Variants in RSPO1 observed in about 807,000 individuals in gnomAD.
The protein encoded by RSPO1 is R-spondin 1.
A neutral mutation model predicts 26.0 loss-of-function variants in RSPO1; 18 were observed. That is an observed-to-expected ratio of 0.69 (90% confidence interval 0.48 to 1.03). RSPO1 has a LOEUF of 1.03. Among genes scored for constraint, RSPO1 ranks in the 50% least tolerant of loss-of-function variants. The pLI is 0.00. For missense variants in RSPO1, 309 were observed against 352.3 expected, an observed-to-expected ratio of 0.88 and a Z score of 0.98; for synonymous variants, 133 against 137.4, an observed-to-expected ratio of 0.97 and a Z score of 0.22.
At chr1:37,627,510 C>T (rs1644295549) in intron 3 of RSPO1, among the ~76,000 whole-genome samples, 1 of 152,016 alleles carries the variant, frequency 6.6e-6, no homozygotes, top group South Asian at 2.1e-4. Context: ...ATTAGCCAGG[C>T]ATGGTGACAC....
chr1:37,629,553 T>A lies in RSPO1; in HGVS notation c.94+15A>T. ...TCCCAAGGCCAGCTGTGGCCCACCATGCTCCATTACTCACTCCGCCTCTGC... is the reference window on the plus strand; with the variant it reads ...TCCCAAGGCCAGCTGTGGCCCACCAAGCTCCATTACTCACTCCGCCTCTGC... On this transcript the variant is annotated intron_variant, in intron 3 of 6. Transcript: ENST00000356545. 1 of 1,612,714 alleles carries A rather than the reference T, an allele frequency of 6.2e-7. No homozygotes were observed. The highest frequency in any genetic ancestry group is 8.5e-7 in the Non-Finnish European group (1 of 1,178,728).
At chr1:37,632,695 C>A (rs565768846) in intron 1 of RSPO1, among the ~76,000 whole-genome samples, 2 of 152,206 alleles carry the variant, frequency 1.3e-5, no homozygotes, top group African/African-American at 4.8e-5. Context: ...CTGGACAGGT[C>A]TCGGACTAGG....
Position 37,612,333 on chromosome 1 carries a change from C to A in RSPO1, c.*422G>T. ...AGCAGTCCTCAAGCTTGGCTCCCAT[C>A]TGCCACAGTGGCTGGTCCGATCCCA... On this transcript the variant is annotated 3_prime_UTR_variant, in exon 7 of 7. Transcript: ENST00000356545. The A allele has an allele frequency of 4.4e-6, 1 of 226,706 alleles. No homozygotes were observed. Among genetic ancestry groups the A allele is most frequent in the Non-Finnish European group, 8.9e-6 (1 of 112,356 alleles). The allele number at this position is 226,706 out of a possible 1,614,324, so 14.0% of individuals were successfully genotyped here. A position where few individuals can be genotyped will look rare whatever the true frequency, so the allele number is the denominator to read the frequency against.
At chr1:37,628,998 C>T (rs542179277) in intron 3 of RSPO1, among the ~76,000 whole-genome samples, 127 of 152,326 alleles carry the variant, frequency 8.3e-4, no homozygotes, top group African/African-American at 2.9e-3. Flanking sequence ...GTCTCCCCTT[C>T]GATGCCACTG....
chr1:37,624,979 C>T (rs1486007272), intron 3 of RSPO1, among the ~76,000 whole-genome samples: 1 of 152,210 alleles, frequency 6.6e-6, no homozygotes, highest in Non-Finnish European at 1.5e-5. Context: ...CTGCCCAGAA[C>T]ACTCTCCACC....
rs7522257 is a variant in RSPO1 at position 37,615,328 on chromosome 1, A to G, written c.287-995T>C. On this transcript the variant is annotated intron_variant, in intron 4 of 6. Transcript: ENST00000356545. ...AAATAAGAACAAAAATAAGAACAAT[A>G]GCAGCTACCATTCATTGAGTGCCAG... Among the ~76,000 whole-genome samples the G allele has an allele frequency of 4.9e-3, 751 of 152,276 alleles. 8 individuals are homozygous for G. Among genetic ancestry groups the G allele is most frequent in the African/African-American group, 0.017 (723 of 41,556 alleles).
At chr1:37,623,914 C>G (rs1644240227) in intron 3 of RSPO1, among the ~76,000 whole-genome samples, 1 of 151,826 alleles carries the variant, frequency 6.6e-6, no homozygotes, top group Non-Finnish European at 1.5e-5. Context: ...CATGCACCAC[C>G]ACACCCAGCT....
intron 3 of RSPO1, among the ~76,000 whole-genome samples, chr1:37,619,828 A>G (rs1644173215): frequency 6.6e-6 from 1 of 151,762 alleles, no homozygotes; most frequent in Admixed American, 6.6e-5. Flanking sequence ...GCTCACTGCA[A>G]TCTCCGCCTC....
intron 3 of RSPO1, among the ~76,000 whole-genome samples, chr1:37,617,518 G>A (rs186749447): frequency 6.6e-6 from 1 of 152,076 alleles, no homozygotes; most frequent in East Asian, 1.9e-4. Context: ...AATTAGCCAG[G>A]CATGGTGGTG....
At chr1:37,619,579 A>T (rs4653307) in intron 3 of RSPO1, among the ~76,000 whole-genome samples, 14 of 152,282 alleles carry the variant, frequency 9.2e-5, no homozygotes, top group Non-Finnish European at 1.9e-4. Flanking sequence ...CAAACACCAA[A>T]CCATCACAAT....
chr1:37,612,513 T>TAC lies in RSPO1; in HGVS notation c.*241_*242insGT. 1.7e-6 allele frequency: 1 copy of TAC among 586,864 alleles called. No individual in the cohort carries two copies. Among genetic ancestry groups the TAC allele is most frequent in the Non-Finnish European group, 3.1e-6 (1 of 325,018 alleles). 36.4% of individuals were successfully genotyped at this position (586,864 alleles called of 1,614,324 possible). A position where few individuals can be genotyped will look rare whatever the true frequency, so the allele number is the denominator to read the frequency against. On this transcript the variant is annotated 3_prime_UTR_variant, in exon 7 of 7. Transcript: ENST00000356545. Reference sequence around the variant, plus strand: ...TGGTGGCCTCAGGTGTGTGTGTGTGTGTGTGTGTATGTGTGTGTGTGGTGT... The same window carrying TAC: ...TGGTGGCCTCAGGTGTGTGTGTGTGTACGTGTGTGTATGTGTGTGTGTGGTGT...
At chr1:37,621,784 CT>C (rs1319006649) in intron 3 of RSPO1, among the ~76,000 whole-genome samples, 3 of 148,308 alleles carry the variant, frequency 2.0e-5, no homozygotes, top group Non-Finnish European at 3.0e-5. Flanking sequence ...TTTCTTTTTT[CT>C]TTTTTTTCTT....
At chr1:37,616,871 C>G (rs1256091425) in intron 3 of RSPO1, among the ~76,000 whole-genome samples, 196 bp from the exon 4 acceptor site, 1 of 152,208 alleles carries the variant, frequency 6.6e-6, no homozygotes. Context: ...CTCCAGAGAG[C>G]TAGCACAGAT....
At chr1:37,614,453 C>G in intron 4 of RSPO1, 120 bp from the exon 5 acceptor site, 1 of 1,118,168 alleles carries the variant, frequency 8.9e-7, no homozygotes, top group Non-Finnish European at 1.3e-6. Context: ...AGGACCCTGG[C>G]CTAGAGCTGC....
chr1:37,613,963 A>C lies in RSPO1; in HGVS notation c.437-71T>G. 1 of 1,531,334 alleles carries C rather than the reference A, an allele frequency of 6.5e-7. No homozygotes were observed. The highest frequency in any genetic ancestry group is 9.0e-7 in the Non-Finnish European group (1 of 1,105,690). 94.9% of individuals were successfully genotyped at this position (1,531,334 alleles called of 1,614,324 possible). A position where few individuals can be genotyped will look rare whatever the true frequency, so the allele number is the denominator to read the frequency against. ...ATCATGTCTCCTCCTCTGGCCCAGA[A>C]TAGCCCAGGGGAGCATCTCCCACTT... is the stretch of plus-strand genomic sequence containing the variant. On this transcript the variant is annotated intron_variant, in intron 5 of 6. Transcript: ENST00000356545. This position sits in a 1 kb window ranked among gnomAD's most constrained non-coding sequence, Gnocchi z 4.5.
chr1:37,626,462 G>A (rs1340612157), intron 3 of RSPO1, among the ~76,000 whole-genome samples: 1 of 152,144 alleles, frequency 6.6e-6, no homozygotes, highest in Non-Finnish European at 1.5e-5. Flanking sequence ...GGCTGTCCAT[G>A]CCCTCGGGTT....
chr1:37,621,298 G>A (rs561044346), intron 3 of RSPO1, among the ~76,000 whole-genome samples: 1 of 152,276 alleles, frequency 6.6e-6, no homozygotes, highest in African/African-American at 2.4e-5. Context: ...GGAATCAGTG[G>A]GAGGTTTACA....
At position 37,629,899 on chromosome 1, in the gene RSPO1, CA is replaced by C; in HGVS notation, c.-239del. The C allele has an allele frequency of 1.3e-6, 2 of 1,547,922 alleles. No individual in the cohort carries two copies. The highest frequency in any genetic ancestry group is 1.7e-6 in the Non-Finnish European group (2 of 1,144,492). On this transcript the variant is annotated 5_prime_UTR_variant, in exon 3 of 7. An upstream start codon of the reference 5' UTR is lost. Coordinates refer to ENST00000356545, the MANE Select transcript of RSPO1 (RefSeq NM_001242908.2). ...CTTCCTCAAAGATACCTCGGAATAT[CA>C]TATGAGAGATCTTTTTGTCACGTCA...
At chr1:37,628,476 T>C (rs775472374) in intron 3 of RSPO1, among the ~76,000 whole-genome samples, 3 of 152,192 alleles carry the variant, frequency 2.0e-5, no homozygotes, top group Non-Finnish European at 4.4e-5. Context: ...GGGGCCTCCG[T>C]CTGCAGGGAA....
Sources: allele counts gnomAD v4.1 joint callset (sites outside exome capture counted in the v4.1 genomes callset), GRCh38; gene constraint gnomAD v4.1.1; non-coding constraint Gnocchi (gnomAD v3.1); transcripts MANE v1.5; gene names NCBI Gene and HGNC (gene_info 2026-07-23, HGNC 2026-07-21).